UTRN: variants seen among roughly 807,000 people sequenced by gnomAD.
UTRN encodes dystrophin-related protein 1.
A neutral mutation model predicts 463.9 loss-of-function variants in UTRN; 283 were observed. The ratio of observed to expected loss-of-function variants is 0.61; its 90% confidence interval spans 0.55 to 0.67. The LOEUF is 0.67. Ranked by LOEUF, UTRN falls within the 30% of genes least tolerant of loss-of-function variation. UTRN has a pLI of 0.00. For missense variants in UTRN, 3,922 were observed against 4,084.3 expected (o/e 0.96, Z 1.08); for synonymous variants, 1,442 against 1,431.5 (o/e 1.01, Z -0.17).
At chr6:144,470,494 C>T (rs1278834447) in intron 23 of UTRN, among the ~76,000 whole-genome samples, 1 of 151,840 alleles carries the variant, frequency 6.6e-6, no homozygotes, top group Non-Finnish European at 1.5e-5. Context: ...ACGCTCCCCA[C>T]ATCCCAGATG....
chr6:144,368,076 C>G (rs181864302), intron 2 of UTRN, among the ~76,000 whole-genome samples: 1 of 151,948 alleles, frequency 6.6e-6, no homozygotes, highest in African/African-American at 2.4e-5. Context: ...CACTGCACCC[C>G]GCCTTCTGTT....
intron 52 of UTRN, among the ~76,000 whole-genome samples, chr6:144,693,240 C>T (rs1238421670): frequency 9.2e-5 from 14 of 152,034 alleles, no homozygotes; most frequent in Admixed American, 8.5e-4. Context: ...TGTTCTGTTC[C>T]ATTGGTCTAT....
At chr6:144,689,804 C>G (rs1783135639) in intron 52 of UTRN, among the ~76,000 whole-genome samples, 1 of 151,950 alleles carries the variant, frequency 6.6e-6, no homozygotes, top group African/African-American at 2.4e-5. Context: ...GTCACGTGGG[C>G]AGACTCAGGG....
At chr6:144,727,222 G>A (rs756773025) in intron 53 of UTRN, among the ~76,000 whole-genome samples, 10 of 152,104 alleles carry the variant, frequency 6.6e-5, no homozygotes, top group Non-Finnish European at 1.0e-4. Context: ...TTTATGTCCC[G>A]TCTTCTCTCA....
intron 50 of UTRN, among the ~76,000 whole-genome samples, chr6:144,576,700 G>A (rs1032379401): frequency 4.6e-5 from 7 of 152,158 alleles, no homozygotes; most frequent in East Asian, 1.9e-4. Flanking sequence ...ACAAATATTC[G>A]TATAGTCGCT....
chr6:144,798,594 T>G (rs956052588), intron 64 of UTRN, among the ~76,000 whole-genome samples: 3 of 152,202 alleles, frequency 2.0e-5, no homozygotes, highest in Non-Finnish European at 4.4e-5. Context: ...GATCCACTCC[T>G]CTTAACATAG....
chr6:144,539,483 T>A (rs1302857232), intron 45 of UTRN, 40 bp downstream of exon 45: 2 of 1,533,446 alleles, frequency 1.3e-6, no homozygotes, highest in Non-Finnish European at 1.8e-6. Flanking sequence ...TCATATTTAT[T>A]GATTTTGTTG....
At chr6:144,742,872 T>C (rs1193254017) in intron 54 of UTRN, among the ~76,000 whole-genome samples, 1 of 152,228 alleles carries the variant, frequency 6.6e-6, no homozygotes, top group East Asian at 1.9e-4. Context: ...TATTTCCTTT[T>C]CGTCTTTTGG....
intron 23 of UTRN, among the ~76,000 whole-genome samples, chr6:144,465,283 A>G (rs1054458019): frequency 1.3e-5 from 2 of 152,366 alleles, no homozygotes; most frequent in Non-Finnish European, 1.5e-5. Flanking sequence ...TACTATTTCA[A>G]TATGGAGCTT....
intron 51 of UTRN, among the ~76,000 whole-genome samples, chr6:144,676,034 TATAAAG>T (rs1781555903): frequency 6.6e-6 from 1 of 152,140 alleles, no homozygotes; most frequent in Admixed American, 6.5e-5. Flanking sequence ...AAATGTATTT[TATAAAG>T]ATAAACTATT....
chr6:144,627,139 C>T (rs2128651572), intron 51 of UTRN, among the ~76,000 whole-genome samples: 1 of 99,934 alleles, frequency 1.0e-5, no homozygotes, highest in South Asian at 3.1e-4. Flanking sequence ...GAGCATGGCA[C>T]AGTGGGAGGA....
chr6:144,684,212 A>G (rs1325677011), intron 52 of UTRN, among the ~76,000 whole-genome samples: 1 of 151,438 alleles, frequency 6.6e-6, no homozygotes, highest in African/African-American at 2.4e-5. Flanking sequence ...ACCACACCCA[A>G]CTTATTTTTG....
At chr6:144,795,212 T>A (rs1370793772) in intron 63 of UTRN, among the ~76,000 whole-genome samples, 1 of 152,228 alleles carries the variant, frequency 6.6e-6, no homozygotes, top group Admixed American at 6.5e-5. Context: ...CATCCTTTTT[T>A]ATGGCTACAT....
At chr6:144,520,791 A>G (rs1009856093) in intron 39 of UTRN, among the ~76,000 whole-genome samples, 3 of 152,176 alleles carry the variant, frequency 2.0e-5, no homozygotes, top group Non-Finnish European at 4.4e-5. Context: ...GAATTTACAG[A>G]TGATTATCAT....
intron 51 of UTRN, among the ~76,000 whole-genome samples, chr6:144,590,979 G>T (rs536889920): frequency 6.6e-6 from 1 of 152,090 alleles, no homozygotes. Flanking sequence ...TGCTATGTGG[G>T]TTGGCTACTG....
chr6:144,313,316 A>G (rs1775060265), intron 2 of UTRN, among the ~76,000 whole-genome samples: 2 of 151,816 alleles, frequency 1.3e-5, no homozygotes, highest in South Asian at 4.2e-4. Flanking sequence ...GCTGAGCTAG[A>G]ACTGTGGGGA....
At position 144,852,762 on chromosome 6, in the gene UTRN, C is replaced by A. The variant is rs937209346; in HGVS notation, c.*1765C>A. ...CTCCAAGTTGTAGATTTGGTGTCTT[C>A]CTTGTTCTTACTTTAAAAAGTCATG... On this transcript the variant is annotated 3_prime_UTR_variant, in exon 75 of 75. Transcript: ENST00000367545. 1.3e-5 allele frequency: 2 copies of A among 152,526 alleles called. No homozygotes were observed. The highest frequency in any genetic ancestry group is 4.8e-5 in the African/African-American group (2 of 41,416). The allele number at this position is 152,526 out of a possible 1,614,324, so 9.4% of individuals were successfully genotyped here. A position where few individuals can be genotyped will look rare whatever the true frequency, so the allele number is the denominator to read the frequency against.
At position 144,459,324 on chromosome 6, in the gene UTRN, G is replaced by A. The variant is rs1432010810; in HGVS notation, c.2677G>A (p.Val893Ile). 1.2e-6 allele frequency: 2 copies of A among 1,607,682 alleles called. No homozygotes were observed. Among genetic ancestry groups the A allele is most frequent in the African/African-American group, 2.7e-5 (2 of 74,516 alleles). The change falls in exon 21 of 75, where the codon GTA becomes ATA. Residue 893 changes from valine to isoleucine, a missense_variant. Physicochemically the swap from Val to Ile is conservative, Grantham distance 29. Coordinates refer to ENST00000367545, the MANE Select transcript of UTRN (RefSeq NM_007124.3). Reference protein sequence around the residue: ...LGRYQAVQEAVEDRQQHLENE... With the variant: ...LGRYQAVQEAIEDRQQHLENE... ...CCGCTACCAAGCTGTACAAGAGGCTGTAGAGGATCGTCAACAACATCTAGA... is the reference window on the plus strand; with the variant it reads ...CCGCTACCAAGCTGTACAAGAGGCTATAGAGGATCGTCAACAACATCTAGA...
At chr6:144,315,247 T>G (rs778042920) in intron 2 of UTRN, among the ~76,000 whole-genome samples, 7 of 152,178 alleles carry the variant, frequency 4.6e-5, no homozygotes, top group Admixed American at 2.6e-4. Context: ...AAAGACATCT[T>G]AAGTTCAACC....
Sources: gnomAD v4.1 joint callset for allele counts (sites outside exome capture counted in the v4.1 genomes callset) on GRCh38, gnomAD v4.1.1 for gene constraint, MANE v1.5 for transcripts, NCBI Gene and HGNC (gene_info 2026-07-23, HGNC 2026-07-21) for gene names.